TENM2: variants seen among roughly 807,000 people sequenced by gnomAD.
The protein encoded by TENM2 is teneurin-2.
A neutral mutation model predicts 245.2 loss-of-function variants in TENM2; 52 were observed. The ratio of observed to expected loss-of-function variants is 0.21; its 90% CI spans 0.17 to 0.27. The LOEUF is 0.27. Among genes scored for constraint, TENM2 ranks in the 10% least tolerant of loss-of-function variants. TENM2 has a pLI of 1.00. For synonymous variants in TENM2, 1,363 were observed against 1,438.9 expected (o/e 0.95, Z 1.19); for missense variants, 3,046 against 3,666.8 (o/e 0.83, Z 4.37).
At chr5:168,098,168 C>A (rs748576574) in intron 9 of TENM2, 41 bp downstream of exon 11, 5 of 1,416,206 alleles carry the variant, frequency 3.5e-6, no homozygotes, top group African/African-American at 1.4e-5. Context: ...GAAAACAGAC[C>A]CTCCCTAGGC....
intron 13 of TENM2, among the ~76,000 whole-genome samples, chr5:168,164,134 CT>C (rs1758000880): frequency 6.6e-6 from 1 of 152,170 alleles, no homozygotes; most frequent in African/African-American, 2.4e-5. Context: ...CTCTTTCCGC[CT>C]TTAATATTTA....
At chr5:167,634,303 G>A in intron 2 of TENM2, among the ~76,000 whole-genome samples, 1 of 152,290 alleles carries the variant, frequency 6.6e-6, no homozygotes, top group East Asian at 1.9e-4. Context: ...CATAGAATTT[G>A]CAAGTAAGTT....
chr5:167,061,408 A>C, the TENM2 span, among the ~76,000 whole-genome samples: 2 of 152,190 alleles, frequency 1.3e-5, no homozygotes, highest in African/African-American at 4.8e-5. Context: ...GTGGCTGTTT[A>C]ATGCAATTTG....
At chr5:168,186,402 A>G (rs1343279627) in intron 13 of TENM2, 4 of 152,184 alleles carry the variant, frequency 2.6e-5, no homozygotes, top group African/African-American at 9.7e-5. Flanking sequence ...TTGTCATTAC[A>G]ATTAGCTTAT....
chr5:167,951,233 T>C (rs1486929832), intron 3 of TENM2, among the ~76,000 whole-genome samples: 3 of 152,214 alleles, frequency 2.0e-5, no homozygotes, highest in Admixed American at 6.5e-5. Flanking sequence ...AAATTGCTTG[T>C]TTAAATGACT....
At chr5:167,959,145 A>G (rs1780790107) in intron 4 of TENM2, among the ~76,000 whole-genome samples, 1 of 150,910 alleles carries the variant, frequency 6.6e-6, no homozygotes, top group Non-Finnish European at 1.5e-5. Flanking sequence ...GCCCTTTCAC[A>G]TAGTCCCATA....
intron 1 of TENM2, among the ~76,000 whole-genome samples, chr5:167,348,926 CGTT>C (rs1355354458): frequency 6.6e-6 from 1 of 152,138 alleles, no homozygotes; most frequent in Non-Finnish European, 1.5e-5. Context: ...GAGTTGACCC[CGTT>C]GTTGTTTGCT....
rs1336269932 is a variant in TENM2 at position 167,389,885 on chromosome 5, C to G, written c.502+14412C>G. Among the ~76,000 whole-genome samples, 4 of 152,162 alleles carry G rather than the reference C, an allele frequency of 2.6e-5. No individual in the cohort carries two copies. The East Asian group carries it at 7.7e-4, about 29-fold the overall frequency. On this transcript the variant is annotated intron_variant, in intron 2 of 28. Transcript: ENST00000518659. ...TCCCTTCACTTTAATCTGAGCAACT[C>G]TTCATGTATTCATTGTCTACGTGTA...
the TENM2 span, among the ~76,000 whole-genome samples, chr5:167,223,933 G>A: frequency 5.3e-5 from 8 of 152,202 alleles, no homozygotes; most frequent in South Asian, 1.7e-3. Context: ...ACATTTCCCT[G>A]ATGATTAGTG....
chr5:167,411,490 T>C (rs1370145965), intron 2 of TENM2, among the ~76,000 whole-genome samples: 1 of 152,050 alleles, frequency 6.6e-6, no homozygotes, highest in Non-Finnish European at 1.5e-5. Flanking sequence ...GAAGTTGGTC[T>C]AAATTATCAG....
chr5:167,358,373 A>G lies in TENM2; in HGVS notation c.227-16825A>G, dbSNP rs540831443. On this transcript the variant is annotated intron_variant, in intron 1 of 28. Transcript: ENST00000518659. ...CCCATCAGCAACATTTGCAACAGTT[A>G]ATCACTCCCTCCTCTTTGACATACT... 1.7e-3 allele frequency among the ~76,000 whole-genome samples: 265 copies of G among 152,118 alleles called. 1 individual carries two copies. Among genetic ancestry groups the G allele is most frequent in the African/African-American group, 6.0e-3 (247 of 41,494 alleles).
chr5:167,506,738 C>T (rs1262242131), intron 2 of TENM2, among the ~76,000 whole-genome samples: 3 of 152,104 alleles, frequency 2.0e-5, no homozygotes, highest in African/African-American at 7.2e-5. Flanking sequence ...AGTTTCACTT[C>T]ATTGAATTCT....
intron 2 of TENM2, among the ~76,000 whole-genome samples, chr5:167,437,060 G>A (rs919541716): frequency 6.6e-6 from 1 of 152,214 alleles, no homozygotes; most frequent in East Asian, 1.9e-4. Flanking sequence ...TGAGAAGAGG[G>A]CCACCATCCT....
chr5:167,250,249 A>T, the TENM2 span, among the ~76,000 whole-genome samples: 65 of 152,250 alleles, frequency 4.3e-4, no homozygotes, highest in Admixed American at 3.9e-3. Context: ...TGAGCCCCAG[A>T]GATCAAAGCT....
chr5:167,983,249 G>T (rs1245058804), intron 4 of TENM2, among the ~76,000 whole-genome samples: 2 of 151,902 alleles, frequency 1.3e-5, no homozygotes, highest in Admixed American at 6.6e-5. Flanking sequence ...AAAACACCAG[G>T]TTTCTTTAAT....
intron 2 of TENM2, among the ~76,000 whole-genome samples, chr5:167,385,934 G>T (rs1028407947): frequency 1.3e-5 from 2 of 150,944 alleles, no homozygotes; most frequent in Non-Finnish European, 2.9e-5. Flanking sequence ...TGATTGATGG[G>T]CATTTGGGTT....
the TENM2 span, among the ~76,000 whole-genome samples, chr5:167,156,987 T>A: frequency 2.0e-5 from 3 of 152,102 alleles, no homozygotes; most frequent in African/African-American, 7.2e-5. Flanking sequence ...CAAACCCACA[T>A]TTTTTTTAAT....
intron 2 of TENM2, among the ~76,000 whole-genome samples, chr5:167,626,876 C>A (rs1318665103): frequency 6.6e-6 from 1 of 152,162 alleles, no homozygotes; most frequent in East Asian, 1.9e-4. Context: ...GGCAGTAACA[C>A]CGGGGCCGCC....
In TENM2 at chr5:168,218,987, C is replaced by G; in HGVS notation, c.5096C>G (p.Thr1699Arg). The change falls in exon 23 of 29, where the codon ACG (threonine) becomes AGG (arginine). Residue 1699 changes from threonine (T) to arginine (R), a missense_variant. Coordinates refer to ENST00000518659, the Ensembl canonical transcript of TENM2. This position sits in a 1 kb window ranked among gnomAD's most constrained non-coding sequence, Gnocchi z 5.2. ...ACCAAGAGCGATGAAACAGGATGGA[C>G]GACTTTCTATGAGTAAGTGGGTTTG... 1 of 1,612,960 alleles carries G rather than the reference C, an allele frequency of 6.2e-7. No homozygotes were observed. The highest frequency in any genetic ancestry group is 8.5e-7 in the Non-Finnish European group (1 of 1,179,282).
Sources: gnomAD v4.1 joint callset for allele counts (sites outside exome capture counted in the v4.1 genomes callset) on GRCh38, gnomAD v4.1.1 for gene constraint, Gnocchi (gnomAD v3.1) non-coding constraint, MANE v1.5 for transcripts, NCBI Gene and HGNC (gene_info 2026-07-23, HGNC 2026-07-21) for gene names.